The following TMPRSS15 variants were observed in gnomAD, a reference collection of about 807,000 sequenced individuals.
TMPRSS15 encodes the protein enteropeptidase.
TMPRSS15 carries 128 observed loss-of-function variants against 125.3 expected under a neutral mutation model. The observed-to-expected ratio is 1.02, with a 90% CI of 0.89 to 1.18. The LOEUF (loss-of-function observed/expected upper bound fraction) is 1.18. TMPRSS15 is among the 50% of genes most tolerant of loss of function. The pLI, the probability that TMPRSS15 is intolerant of heterozygous loss-of-function variation, is 0.00. For missense variants in TMPRSS15, 1,283 were observed against 1,212.7 expected (o/e 1.06, Z -0.86); for synonymous variants, 446 against 423.2 (o/e 1.05, Z -0.66).
At chr21:18,480,834 A>G (rs1978968107) in intron 1 of TMPRSS15, among the ~76,000 whole-genome samples, 1 of 151,882 alleles carries the variant, frequency 6.6e-6, no homozygotes, top group Non-Finnish European at 1.5e-5. Flanking sequence ...TCCCATCTTC[A>G]TGTGGCTCTT....
chr21:18,280,457 C>T (rs1272871266), intron 22 of TMPRSS15, among the ~76,000 whole-genome samples: 2 of 151,216 alleles, frequency 1.3e-5, no homozygotes, highest in East Asian at 2.0e-4. Flanking sequence ...GGCATGCACC[C>T]GTAGTCTACC....
chr21:18,297,430 A>G (rs1601292842), intron 19 of TMPRSS15, among the ~76,000 whole-genome samples: 1 of 152,134 alleles, frequency 6.6e-6, no homozygotes, highest in East Asian at 1.9e-4. Flanking sequence ...TGATTTAATT[A>G]TTTATTAATC....
At chr21:18,312,830 T>C (rs2075115479) in intron 18 of TMPRSS15, 115 bp downstream of exon 18, 14 of 1,341,336 alleles carry the variant, frequency 1.0e-5, no homozygotes, top group Non-Finnish European at 1.4e-5. Flanking sequence ...CTTTTGCTAA[T>C]GTGTATTTTC....
Position 18,397,873 on chromosome 21 carries a change from A to G in TMPRSS15, c.344+6T>C. 4.6e-6 allele frequency: 7 copies of G among 1,520,744 alleles called. No individual in the cohort carries two copies. Among genetic ancestry groups the G allele is most frequent in the Non-Finnish European group, 6.3e-6 (7 of 1,112,704 alleles). 94.2% of individuals were successfully genotyped at this position (1,520,744 alleles called of 1,614,324 possible). A position where few individuals can be genotyped will look rare whatever the true frequency, so the allele number is the denominator to read the frequency against. Reference sequence around the variant, plus strand: ...CATCAGTAGAAAATTTTTGAGCTATACTCACTCAAATTGTAAAACTCTTGA... The same window carrying G: ...CATCAGTAGAAAATTTTTGAGCTATGCTCACTCAAATTGTAAAACTCTTGA... On this transcript the variant is annotated splice_donor_region_variant and intron_variant, in intron 3 of 24. Coordinates refer to ENST00000284885, the MANE Select transcript of TMPRSS15 (RefSeq NM_002772.3).
At chr21:18,432,740 A>G (rs1242500240) in intron 1 of TMPRSS15, among the ~76,000 whole-genome samples, 1 of 152,176 alleles carries the variant, frequency 6.6e-6, no homozygotes, top group Non-Finnish European at 1.5e-5. Flanking sequence ...TTCCAGCCTC[A>G]AGGACAAGGA....
rs576606510 is a variant in TMPRSS15 at position 18,347,271 on chromosome 21, CCAT to C, written c.1172-3214_1172-3212del. ...TTTTTTCTTGAGATGATGTTTCACT[CCAT>C]CATTCAGGCTGGAGTGCGGTAGCCA... On this transcript the variant is annotated intron_variant, in intron 10 of 24. Coordinates refer to ENST00000284885, the MANE Select transcript of TMPRSS15 (RefSeq NM_002772.3). Among the ~76,000 whole-genome samples, 393 of 152,108 alleles carry C rather than the reference CCAT, an allele frequency of 2.6e-3. 1 individual carries two copies. The highest frequency in any genetic ancestry group is 8.7e-3 in the African/African-American group (360 of 41,518).
intron 3 of TMPRSS15, among the ~76,000 whole-genome samples, chr21:18,384,140 G>T (rs1340936430): frequency 6.6e-6 from 1 of 152,106 alleles, no homozygotes; most frequent in Non-Finnish European, 1.5e-5. Flanking sequence ...GAGAAAAGAA[G>T]GGTATGGATT....
chr21:18,404,901 T>C (rs2076136608), upstream of TMPRSS15, among the ~76,000 whole-genome samples: 1 of 152,026 alleles, frequency 6.6e-6, no homozygotes, highest in African/African-American at 2.4e-5. Flanking sequence ...TTTTAGCTAA[T>C]TGACTTAAAT....
intron 9 of TMPRSS15, 72 bp downstream of exon 9, chr21:18,353,651 G>T: frequency 2.1e-6 from 3 of 1,416,610 alleles, no homozygotes; most frequent in Admixed American, 1.9e-5. Flanking sequence ...TTTAGATTCT[G>T]CTACCTTTAA....
At chr21:18,289,950 G>C (rs2074813721) in intron 21 of TMPRSS15, among the ~76,000 whole-genome samples, 1 of 152,162 alleles carries the variant, frequency 6.6e-6, no homozygotes, top group South Asian at 2.1e-4. Context: ...GTATACTTAA[G>C]TTTATGCATT....
At chr21:18,423,529 C>T (rs1319738927) in intron 1 of TMPRSS15, among the ~76,000 whole-genome samples, 16 of 151,668 alleles carry the variant, frequency 1.1e-4, no homozygotes, top group Admixed American at 1.0e-3. Flanking sequence ...CTGCCTCAGC[C>T]TCCTGAGTAG....
In TMPRSS15 at chr21:18,378,101, G is replaced by A. The variant is rs575715358; in HGVS notation, c.532+1182C>T. Among the ~76,000 whole-genome samples, 13 of 152,190 alleles carry A rather than the reference G, an allele frequency of 8.5e-5. No individual in the cohort carries two copies. The South Asian group carries it at 2.5e-3, about 29-fold the overall frequency. On this transcript the variant is annotated intron_variant, in intron 5 of 24. Transcript: ENST00000284885. The stretch of plus-strand genomic sequence containing the variant: ...TGAACCAATAAACAAATAGAAAAAT[G>A]GCATTAATTTGGATACTTGTTACTG...
At chr21:18,454,997 G>C (rs905169971) in intron 1 of TMPRSS15, among the ~76,000 whole-genome samples, 1 of 152,100 alleles carries the variant, frequency 6.6e-6, no homozygotes, top group African/African-American at 2.4e-5. Context: ...CATGTGTCAT[G>C]GGTGGGACCC....
intron 3 of TMPRSS15, among the ~76,000 whole-genome samples, chr21:18,394,050 A>G (rs557341120): frequency 4.6e-5 from 7 of 152,312 alleles, no homozygotes; most frequent in Non-Finnish European, 8.8e-5. Context: ...ATTTAACTCT[A>G]TGTTGACAGG....
chr21:18,343,791 G>A, intron 11 of TMPRSS15, 135 bp from the exon 12 acceptor site: 7 of 1,176,648 alleles, frequency 5.9e-6, no homozygotes, highest in Non-Finnish European at 8.8e-6. Context: ...CTGGGGATGG[G>A]GAGAGGTGTC....
intron 17 of TMPRSS15, 55 bp from the exon 18 acceptor site, chr21:18,313,132 T>C: frequency 8.0e-7 from 1 of 1,254,886 alleles, no homozygotes; most frequent in Non-Finnish European, 1.2e-6. Context: ...GTGCGGAGTA[T>C]GGGAAGACAT....
At position 18,352,920 on chromosome 21, in the gene TMPRSS15, G is replaced by T; in HGVS notation, c.1154C>A (p.Thr385Asn). The T allele has an allele frequency of 1.2e-5, 19 of 1,612,274 alleles. No homozygotes were observed. The highest frequency in any genetic ancestry group is 1.5e-5 in the Non-Finnish European group (18 of 1,178,760). The change falls in exon 10 of 25, where the codon ACT becomes AAT. Residue 385 changes from threonine (T) to asparagine (N), a missense_variant. Coordinates refer to ENST00000284885, the MANE Select transcript of TMPRSS15 (RefSeq NM_002772.3). Reference sequence around the variant, plus strand: ...AATTATACCTGAAGCATTGCCAAAAGTGTGGTCAAAATTGGGTCCAGTAAA... The same window carrying T: ...AATTATACCTGAAGCATTGCCAAAATTGTGGTCAAAATTGGGTCCAGTAAA... ...SPFTGPNFDH[T>N]FGNASGFYIS...
rs1207319959 is a variant in TMPRSS15 at position 18,315,203 on chromosome 21, C to G, written c.1975G>C (p.Val659Leu). The G allele has an allele frequency of 6.2e-7, 1 of 1,613,964 alleles. No individual in the cohort carries two copies. The highest frequency in any genetic ancestry group is 1.3e-5 in the African/African-American group (1 of 75,050). Residue 659 changes from valine to leucine, a missense_variant, in exon 17 of 25, where the codon GTG becomes CTG. Physicochemically the swap from Val to Leu is conservative, Grantham distance 32 (BLOSUM62 1). Transcript: ENST00000284885. Reference sequence around the variant, plus strand: ...TGCAGATGACCGTCACAGAGATTCACCAGTGGAACACACTCTCCATTTTTA... The same window carrying G: ...TGCAGATGACCGTCACAGAGATTCAGCAGTGGAACACACTCTCCATTTTTA... ...QCKNGECVPL[V>L]NLCDGHLHCE...
intron 1 of TMPRSS15, among the ~76,000 whole-genome samples, chr21:18,445,928 A>G (rs1195767656): frequency 6.6e-6 from 1 of 152,232 alleles, no homozygotes; most frequent in Non-Finnish European, 1.5e-5. Context: ...CTCCACTTGT[A>G]TTCAAAATAA....
Sources: gnomAD v4.1 joint callset for allele counts (sites outside exome capture counted in the v4.1 genomes callset) on GRCh38, gnomAD v4.1.1 for gene constraint, MANE v1.5 for transcripts, NCBI Gene and HGNC (gene_info 2026-07-23, HGNC 2026-07-21) for gene names.